ARHGAP10: variants seen among roughly 807,000 people sequenced by gnomAD.
ARHGAP10 encodes the protein Rho GTPase activating protein 10, also known as rho GTPase-activating protein 10.
A neutral mutation model predicts 108.6 loss-of-function variants in ARHGAP10; 87 were observed. The observed-to-expected ratio is 0.80, with a 90% CI of 0.67 to 0.96. The LOEUF is 0.96. ARHGAP10 is among the 40% of genes least tolerant of loss of function. ARHGAP10 has a pLI of 0.00. For synonymous variants in ARHGAP10, 347 were observed against 341.1 expected (o/e 1.02, Z -0.19); for missense variants, 939 against 954.5 (o/e 0.98, Z 0.21).
chr4:147,737,692 G>T (rs1728477689), intron 1 of ARHGAP10, among the ~76,000 whole-genome samples: 1 of 152,190 alleles, frequency 6.6e-6, no homozygotes, highest in Admixed American at 6.5e-5. Flanking sequence ...GTCACTTGGG[G>T]CTTTATTACA....
At chr4:147,853,702 T>C (rs913847706) in intron 4 of ARHGAP10, among the ~76,000 whole-genome samples, 1 of 152,218 alleles carries the variant, frequency 6.6e-6, no homozygotes, top group South Asian at 2.1e-4. Context: ...GTTGTAATCC[T>C]CCCCCCTTTG....
At chr4:147,941,734 T>G (rs1738171321) in intron 14 of ARHGAP10, among the ~76,000 whole-genome samples, 1 of 152,224 alleles carries the variant, frequency 6.6e-6, no homozygotes, top group Non-Finnish European at 1.5e-5. Context: ...AATTTAAGAT[T>G]ATCAGTCAAA....
chr4:147,791,769 G>C (rs1731136038), intron 1 of ARHGAP10, among the ~76,000 whole-genome samples: 1 of 152,140 alleles, frequency 6.6e-6, no homozygotes, highest in Admixed American at 6.5e-5. Flanking sequence ...ATTTTTAGTA[G>C]AGATGGGGTT....
At chr4:147,793,647 T>C (rs907370127) in intron 1 of ARHGAP10, among the ~76,000 whole-genome samples, 2 of 152,194 alleles carry the variant, frequency 1.3e-5, no homozygotes, top group African/African-American at 2.4e-5. Context: ...CTGCCCTCAC[T>C]TCTGAGGCTT....
At chr4:147,980,981 C>T (rs778262330) in intron 18 of ARHGAP10, among the ~76,000 whole-genome samples, 38 of 152,066 alleles carry the variant, frequency 2.5e-4, no homozygotes, top group Admixed American at 5.2e-4. Context: ...TCTTGTTAAT[C>T]CTATCAATCT....
Position 147,831,181 on chromosome 4 carries a change from G to T in ARHGAP10, c.312+8224G>T, listed in dbSNP as rs561543202. On this transcript the variant is annotated intron_variant, in intron 3 of 22. Coordinates refer to ENST00000336498, the MANE Select transcript of ARHGAP10 (RefSeq NM_024605.4). ...TCTTGGCTGGCAATCCTTTCCTTAGGGTTAGATCTGTCTGGACGTTGGATA... is the reference window on the plus strand; with the variant it reads ...TCTTGGCTGGCAATCCTTTCCTTAGTGTTAGATCTGTCTGGACGTTGGATA... Among the ~76,000 whole-genome samples the T allele has an allele frequency of 1.2e-4, 18 of 152,288 alleles. No homozygotes were observed. In the South Asian group the frequency reaches 2.1e-3, roughly 18 times the overall value.
intron 1 of ARHGAP10, among the ~76,000 whole-genome samples, chr4:147,780,238 G>A (rs999338326): frequency 2.0e-5 from 3 of 152,112 alleles, no homozygotes; most frequent in Non-Finnish European, 4.4e-5. Flanking sequence ...GGTGGATCTG[G>A]GAGCAGAGCT....
chr4:147,968,898 C>T (rs565593515), intron 18 of ARHGAP10, among the ~76,000 whole-genome samples: 9 of 152,214 alleles, frequency 5.9e-5, no homozygotes, highest in Admixed American at 2.6e-4. Flanking sequence ...CATCTGGGGG[C>T]GGAAGCCATG....
chr4:147,830,216 A>G (rs1054858368), intron 3 of ARHGAP10, among the ~76,000 whole-genome samples: 18 of 152,300 alleles, frequency 1.2e-4, no homozygotes, highest in African/African-American at 4.3e-4. Context: ...GCCAGGGATC[A>G]CTTCCTGGGT....
intron 1 of ARHGAP10, among the ~76,000 whole-genome samples, chr4:147,758,244 C>G (rs1302385524): frequency 7.2e-6 from 1 of 139,788 alleles, no homozygotes; most frequent in Admixed American, 7.3e-5. Flanking sequence ...GCCTGGGCAA[C>G]AAGAGCGAAA....
Position 147,866,832 on chromosome 4 carries a change from C to T in ARHGAP10, c.702+16C>T, listed in dbSNP as rs200992418. The T allele has an allele frequency of 2.7e-5, 42 of 1,551,674 alleles. No homozygotes were observed. In the South Asian group the frequency reaches 2.8e-4, roughly 10 times the overall value. ...CATTCAGAATGTAAGGAAGTGAAAG[C>T]TTTCTTTATAAAAAGATGTTTGAAA... On this transcript the variant is annotated intron_variant, in intron 7 of 22. Transcript: ENST00000336498.
intron 18 of ARHGAP10, among the ~76,000 whole-genome samples, chr4:148,016,940 G>C (rs1741370587): frequency 6.9e-6 from 1 of 145,806 alleles, no homozygotes; most frequent in African/African-American, 2.5e-5. Flanking sequence ...GAGGCCAGGA[G>C]TTTAAGACCA....
chr4:147,965,714 A>G (rs1023773853), intron 17 of ARHGAP10, among the ~76,000 whole-genome samples: 1 of 152,218 alleles, frequency 6.6e-6, no homozygotes, highest in Non-Finnish European at 1.5e-5. Flanking sequence ...CAAGGGACCT[A>G]CTGCTAGTTT....
chr4:147,995,063 A>G (rs886357079), intron 18 of ARHGAP10, among the ~76,000 whole-genome samples: 22 of 152,174 alleles, frequency 1.4e-4, no homozygotes, highest in African/African-American at 5.3e-4. Context: ...CTTTTTTGGA[A>G]GTCTATGTGT....
At chr4:147,804,588 A>G (rs1029879971) in intron 1 of ARHGAP10, among the ~76,000 whole-genome samples, 1 of 152,180 alleles carries the variant, frequency 6.6e-6, no homozygotes, top group Non-Finnish European at 1.5e-5. Context: ...TGGTTGAACT[A>G]GTTTATATTT....
chr4:147,770,278 C>G (rs1730022295), intron 1 of ARHGAP10, among the ~76,000 whole-genome samples: 1 of 152,138 alleles, frequency 6.6e-6, no homozygotes, highest in South Asian at 2.1e-4. Context: ...TCACGCCTGT[C>G]TGTAATCCCA....
Position 147,939,927 on chromosome 4 carries a change from A to G in ARHGAP10, c.1303+28A>G, listed in dbSNP as rs370397514. On this transcript the variant is annotated intron_variant, in intron 14 of 22. Coordinates refer to ENST00000336498, the MANE Select transcript of ARHGAP10 (RefSeq NM_024605.4). ...ATGCCTCTTTTCTAATCATTTTTCC[A>G]TGTGTTATTTGTGTATGTTCATTGA... 14 of 1,581,514 alleles carry G rather than the reference A, an allele frequency of 8.9e-6. No individual in the cohort carries two copies. The East Asian group carries it at 1.6e-4, about 18-fold the overall frequency.
rs537783021 is a variant in ARHGAP10, at chr4:147,995,802, C to T, written c.1717-27461C>T. Among the ~76,000 whole-genome samples the T allele has an allele frequency of 5.3e-3, 810 of 152,178 alleles. 4 individuals carry two copies. Among genetic ancestry groups the T allele is most frequent in the Middle Eastern group, 0.024 (7 of 294 alleles). On this transcript the variant is annotated intron_variant, in intron 18 of 22. Transcript: ENST00000336498. ...CGCGATCTCTGCTCACTGCGAGCTT[C>T]GCCTCCTGGGTTCACGCCATTCTCC...
chr4:147,924,537 A>AT (rs985079464), intron 13 of ARHGAP10, among the ~76,000 whole-genome samples: 42 of 152,152 alleles, frequency 2.8e-4, no homozygotes, highest in Admixed American at 9.8e-4. Flanking sequence ...ACAATGGTAT[A>AT]TTTTCAAGTA....
Sources: allele counts gnomAD v4.1 joint callset (sites outside exome capture counted in the v4.1 genomes callset), GRCh38; gene constraint gnomAD v4.1.1; transcripts MANE v1.5; gene names NCBI Gene and HGNC (gene_info 2026-07-23, HGNC 2026-07-21).